RNF13: variants seen among roughly 807,000 people sequenced by gnomAD.
The protein encoded by RNF13 is ring finger protein 13, also known as E3 ubiquitin-protein ligase RNF13.
In RNF13, 19 loss-of-function variants were observed where a neutral mutation model predicts 37.7. That is an observed-to-expected ratio of 0.50 (90% CI 0.35 to 0.74). The LOEUF (loss-of-function observed/expected upper bound fraction) is 0.74. Ranked by LOEUF, RNF13 falls within the 30% of genes least tolerant of loss-of-function variation. RNF13 has a pLI of 0.01. For missense variants in RNF13, 375 were observed against 453.0 expected (o/e 0.83, Z 1.56); for synonymous variants, 144 against 157.8 (o/e 0.91, Z 0.65).
chr3:149,892,303 T>C (rs1043687737), intron 4 of RNF13, among the ~76,000 whole-genome samples: 7 of 152,236 alleles, frequency 4.6e-5, no homozygotes, highest in African/African-American at 1.4e-4. Flanking sequence ...AGTTGCTTGG[T>C]ACAGTTTTAA....
intron 1 of RNF13, among the ~76,000 whole-genome samples, chr3:149,827,511 C>G (rs1440446831): frequency 6.6e-6 from 1 of 151,984 alleles, no homozygotes; most frequent in Non-Finnish European, 1.5e-5. Flanking sequence ...GGCATTCAGT[C>G]TATAAATATT....
chr3:149,888,995 G>A (rs80056098), intron 4 of RNF13, among the ~76,000 whole-genome samples: 4,037 of 152,294 alleles, frequency 0.027, 68 homozygotes, highest in South Asian at 0.036. Context: ...CCGAAGTCCA[G>A]TGGCGCGATC....
At position 149,957,079 on chromosome 3, in the gene RNF13, C is replaced by A. The variant is rs539275595; in HGVS notation, c.701-2977C>A. ...TAGCCCTTTTATAATACTACCAGAG[C>A]CAGTAGGTAATGTTTAAAATCTTAT... On this transcript the variant is annotated intron_variant, in intron 8 of 9. Coordinates refer to ENST00000392894, the MANE Select transcript of RNF13 (RefSeq NM_183381.3). Among the ~76,000 whole-genome samples the A allele has an allele frequency of 9.6e-4, 146 of 152,138 alleles. 1 individual carries two copies. The highest frequency in any genetic ancestry group is 1.8e-3 in the Non-Finnish European group (122 of 67,980).
intron 1 of RNF13, among the ~76,000 whole-genome samples, chr3:149,823,686 T>C (rs1720215429): frequency 6.6e-6 from 1 of 152,130 alleles, no homozygotes; most frequent in South Asian, 2.1e-4. Context: ...GTTAACATAG[T>C]GGTTATGAAG....
chr3:149,911,851 A>G, intron 6 of RNF13, 127 bp from the exon 7 acceptor site: 1 of 612,508 alleles, frequency 1.6e-6, no homozygotes, highest in South Asian at 2.0e-5. Context: ...AGAAAATGAA[A>G]TGTATGTAGT....
chr3:149,948,263 G>T (rs1720971562), intron 8 of RNF13, among the ~76,000 whole-genome samples: 1 of 151,990 alleles, frequency 6.6e-6, no homozygotes, highest in Non-Finnish European at 1.5e-5. Flanking sequence ...CGTGTTTTTA[G>T]ATATAAAATG....
chr3:149,931,279 G>T (rs1359115910), intron 8 of RNF13, among the ~76,000 whole-genome samples: 2 of 151,900 alleles, frequency 1.3e-5, no homozygotes, highest in Non-Finnish European at 2.9e-5. Flanking sequence ...ATGTTGCCAG[G>T]TCTGAACTGC....
intron 1 of RNF13, among the ~76,000 whole-genome samples, chr3:149,829,591 G>A (rs1169979423): frequency 6.6e-6 from 1 of 152,014 alleles, no homozygotes; most frequent in African/African-American, 2.4e-5. Flanking sequence ...GAATTTGCTG[G>A]GCAAACTTCT....
chr3:149,873,887 A>G (rs1430663572), intron 4 of RNF13, among the ~76,000 whole-genome samples: 2 of 152,158 alleles, frequency 1.3e-5, no homozygotes, highest in African/African-American at 4.8e-5. Context: ...TTTAGAATTC[A>G]TGTTTTAGTC....
chr3:149,874,875 A>T (rs1351157960), intron 4 of RNF13, among the ~76,000 whole-genome samples: 10 of 152,152 alleles, frequency 6.6e-5, no homozygotes, highest in Admixed American at 6.5e-4. Context: ...TTACTGATGG[A>T]TAAGCTGTTA....
At chr3:149,865,329 G>GATATATATATATATATATATATATAT (rs3028509) in intron 3 of RNF13, among the ~76,000 whole-genome samples, 1 of 139,124 alleles carries the variant, frequency 7.2e-6, no homozygotes, top group African/African-American at 2.6e-5. Context: ...ATGTTTTGGT[G>GATATATATATATATATATATATATAT]ATATATATAT....
intron 8 of RNF13, among the ~76,000 whole-genome samples, chr3:149,953,114 A>ATT (rs57868274): frequency 2.2e-4 from 32 of 148,072 alleles, no homozygotes; most frequent in African/African-American, 7.6e-4. Context: ...GAAAAGTTGG[A>ATT]TTTTTTTTTT....
intron 5 of RNF13, among the ~76,000 whole-genome samples, chr3:149,899,274 C>T (rs1455277664): frequency 1.3e-5 from 2 of 152,060 alleles, no homozygotes; most frequent in African/African-American, 4.8e-5. Context: ...TGTGAAACCC[C>T]ATCTCTACTA....
chr3:149,961,274 A>C lies in RNF13; in HGVS notation c.*170A>C. On this transcript the variant is annotated 3_prime_UTR_variant, in exon 10 of 10. Transcript: ENST00000392894. ...TTGATCTGGTATTTATCTGCCAAGAATATACTTCATTCACTAATAATAGAC... is the reference window on the plus strand; with the variant it reads ...TTGATCTGGTATTTATCTGCCAAGACTATACTTCATTCACTAATAATAGAC... 2 of 682,066 alleles carry C rather than the reference A, an allele frequency of 2.9e-6. No individual in the cohort carries two copies. The highest frequency in any genetic ancestry group is 5.1e-6 in the Non-Finnish European group (2 of 389,308). 42.3% of individuals were successfully genotyped at this position (682,066 alleles called of 1,614,324 possible).
rs532337928 is a variant in RNF13, at chr3:149,945,189, A to G, written c.701-14867A>G. 2.9e-3 allele frequency among the ~76,000 whole-genome samples: 435 copies of G among 152,348 alleles called. 2 individuals carry two copies. Among genetic ancestry groups the G allele is most frequent in the African/African-American group, 1.0e-2 (415 of 41,574 alleles). On this transcript the variant is annotated intron_variant, in intron 8 of 9. Coordinates refer to ENST00000392894, the MANE Select transcript of RNF13 (RefSeq NM_183381.3). ...TCTATATCTCTGTCTTGGTAGCAGT[A>G]CCATGCTGTTTTGGTTACTGTAGCC...
intron 7 of RNF13, among the ~76,000 whole-genome samples, chr3:149,917,188 C>T (rs2108528281): frequency 6.6e-6 from 1 of 152,206 alleles, no homozygotes; most frequent in Non-Finnish European, 1.5e-5. Flanking sequence ...TCAGCTCCAC[C>T]ATCTTTGTTT....
intron 1 of RNF13, among the ~76,000 whole-genome samples, chr3:149,819,442 CTTTCAT>C (rs1352463958): frequency 7.9e-6 from 1 of 126,072 alleles, no homozygotes; most frequent in Non-Finnish European, 1.7e-5. Flanking sequence ...ATAATACTCA[CTTTCAT>C]ACTTTAATTT....
chr3:149,879,602 C>A (rs1275670999), intron 4 of RNF13, among the ~76,000 whole-genome samples: 1 of 152,160 alleles, frequency 6.6e-6, no homozygotes, highest in Non-Finnish European at 1.5e-5. Context: ...ACCATTGCAT[C>A]TGGCCTGGTA....
intron 3 of RNF13, among the ~76,000 whole-genome samples, chr3:149,856,592 T>A (rs1275491686): frequency 6.6e-6 from 1 of 151,796 alleles, no homozygotes; most frequent in Non-Finnish European, 1.5e-5. Context: ...TATGGGAGTG[T>A]GCTACTGTGC....
Sources: gnomAD v4.1 joint callset for allele counts (sites outside exome capture counted in the v4.1 genomes callset) on GRCh38, gnomAD v4.1.1 for gene constraint, MANE v1.5 for transcripts, NCBI Gene and HGNC (gene_info 2026-07-23, HGNC 2026-07-21) for gene names.